The following CNTN3 variants were observed in gnomAD, a reference collection of about 807,000 sequenced individuals.
CNTN3 encodes contactin-3.
In CNTN3, 60 loss-of-function variants were observed where a neutral mutation model predicts 119.1. The observed-to-expected ratio is 0.50, with a 90% CI of 0.41 to 0.62. CNTN3 has a LOEUF of 0.62. Ranked by LOEUF, CNTN3 falls within the 20% of genes least tolerant of loss-of-function variation. The pLI, the probability that CNTN3 is intolerant of heterozygous loss-of-function variation, is 0.00. For synonymous variants in CNTN3, 450 were observed against 438.7 expected (o/e 1.03, Z -0.32); for missense variants, 1,101 against 1,242.4 (o/e 0.89, Z 1.71).
At chr3:74,367,675 A>G (rs1704232830) in intron 8 of CNTN3, among the ~76,000 whole-genome samples, 1 of 152,084 alleles carries the variant, frequency 6.6e-6, no homozygotes, top group Non-Finnish European at 1.5e-5. Context: ...AGGGCAGAAA[A>G]AGTAATCACA....
intron 11 of CNTN3, among the ~76,000 whole-genome samples, chr3:74,342,340 TC>T (rs1171466038): frequency 6.6e-6 from 1 of 152,188 alleles, no homozygotes; most frequent in Non-Finnish European, 1.5e-5. Flanking sequence ...GCGTTTTTAT[TC>T]TTCTACCTAT....
chr3:74,440,260 G>A (rs757342272), intron 4 of CNTN3, among the ~76,000 whole-genome samples: 29 of 152,060 alleles, frequency 1.9e-4, no homozygotes, highest in Non-Finnish European at 3.7e-4. Context: ...AGAAAACACT[G>A]CTTCGCACAT....
At chr3:74,529,090 G>GAT in intron 1 of CNTN3, among the ~76,000 whole-genome samples, 1 of 151,938 alleles carries the variant, frequency 6.6e-6, no homozygotes, top group Middle Eastern at 3.4e-3. Context: ...GTTCTTGAAT[G>GAT]ATATATGAGA....
Position 74,568,517 on chromosome 3 carries a change from G to A in CNTN3, c.-81+45874C>T, listed in dbSNP as rs530014571. 2.0e-5 allele frequency among the ~76,000 whole-genome samples: 3 copies of A among 152,238 alleles called. No individual in the cohort carries two copies. In the East Asian group the frequency reaches 5.8e-4, roughly 29 times the overall value. On this transcript the variant is annotated intron_variant, in intron 1 of 22. Transcript: ENST00000263665. The stretch of plus-strand genomic sequence containing the variant: ...TTGCTCTGCAGCTGTTCTGAAGCAG[G>A]TCCTGGGATGACAACCTAATGATGC...
rs75651820 is a variant in CNTN3 at position 74,604,019 on chromosome 3, T to C, written c.-81+10372A>G. On this transcript the variant is annotated intron_variant, in intron 1 of 22. Coordinates refer to ENST00000263665, the MANE Select transcript of CNTN3 (RefSeq NM_020872.3). The stretch of plus-strand genomic sequence containing the variant: ...GAGTCAAGAAATAAATCCATGCAGT[T>C]ACAGTCAACTGATTTTGACAAAATT... Among the ~76,000 whole-genome samples, 738 of 152,224 alleles carry C rather than the reference T, an allele frequency of 4.8e-3. 5 individuals are homozygous for C. The highest frequency in any genetic ancestry group is 0.016 in the African/African-American group (679 of 41,536).
At chr3:74,420,040 T>C (rs1226421898) in intron 5 of CNTN3, among the ~76,000 whole-genome samples, 1 of 152,196 alleles carries the variant, frequency 6.6e-6, no homozygotes, top group Non-Finnish European at 1.5e-5. Context: ...GATTTCCTAG[T>C]TTTCTGACAA....
At position 74,286,723 on chromosome 3, in the gene CNTN3, G is replaced by C. The variant is rs143747183; in HGVS notation, c.2518-1232C>G. Among the ~76,000 whole-genome samples, 899 of 152,298 alleles carry C rather than the reference G, an allele frequency of 5.9e-3. 9 individuals carry two copies. The highest frequency in any genetic ancestry group is 0.012 in the South Asian group (59 of 4,828). ...CTATTGCAAATTCACTCTGAGTTTA[G>C]AGTAGGAAAAATAAAAGGCAAATCC... On this transcript the variant is annotated intron_variant, in intron 19 of 22. Transcript: ENST00000263665.
intron 13 of CNTN3, among the ~76,000 whole-genome samples, chr3:74,326,563 G>A (rs1703135592): frequency 6.6e-6 from 1 of 151,946 alleles, no homozygotes; most frequent in Non-Finnish European, 1.5e-5. Flanking sequence ...TTGTAAGAAA[G>A]CTATGAATAT....
intron 1 of CNTN3, among the ~76,000 whole-genome samples, chr3:74,578,453 T>C (rs897620036): frequency 6.6e-6 from 1 of 152,044 alleles, no homozygotes; most frequent in African/African-American, 2.4e-5. Flanking sequence ...TAGAGTTAAA[T>C]GAGAGGACTT....
intron 2 of CNTN3, among the ~76,000 whole-genome samples, chr3:74,520,745 GA>G (rs930870920): frequency 8.0e-5 from 12 of 149,776 alleles, no homozygotes; most frequent in African/African-American, 2.7e-4. Flanking sequence ...AGTTCCTTTG[GA>G]AAAAAAATGT....
rs191995736 is a variant in CNTN3, at chr3:74,595,448, T to C, written c.-81+18943A>G. On this transcript the variant is annotated intron_variant, in intron 1 of 22. Transcript: ENST00000263665. ...TTAGGTCTAACATTTAAGTCTTTAA[T>C]CCATCTTGAATTAATTTTTGTAGAA... is the stretch of plus-strand genomic sequence containing the variant. Among the ~76,000 whole-genome samples, 482 of 152,264 alleles carry C rather than the reference T, an allele frequency of 3.2e-3. 2 individuals carry two copies. Among genetic ancestry groups the C allele is most frequent in the Admixed American group, 1.0e-2 (152 of 15,274 alleles).
chr3:74,285,220 T>G (rs904965385), intron 20 of CNTN3, 85 bp downstream of exon 20: 55 of 1,366,086 alleles, frequency 4.0e-5, no homozygotes, highest in Non-Finnish European at 5.2e-5. Context: ...ATGACTTGGG[T>G]TGTCCATTTC....
intron 5 of CNTN3, among the ~76,000 whole-genome samples, chr3:74,423,424 G>C (rs1701647748): frequency 6.6e-6 from 1 of 152,158 alleles, no homozygotes; most frequent in South Asian, 2.1e-4. Context: ...CTCAGGAGGG[G>C]TGTGACTGTG....
intron 3 of CNTN3, among the ~76,000 whole-genome samples, chr3:74,494,351 A>T (rs1703021133): frequency 6.6e-6 from 1 of 152,162 alleles, no homozygotes; most frequent in African/African-American, 2.4e-5. Context: ...ATCACCTTTA[A>T]TATCTAAAAT....
At chr3:74,372,911 C>A (rs889426961) in intron 5 of CNTN3, among the ~76,000 whole-genome samples, 3 of 152,120 alleles carry the variant, frequency 2.0e-5, no homozygotes, top group African/African-American at 4.8e-5. Flanking sequence ...AGAGAACATG[C>A]TAAGGACCTA....
At chr3:74,406,812 C>T (rs560045711) in intron 5 of CNTN3, among the ~76,000 whole-genome samples, 1 of 152,166 alleles carries the variant, frequency 6.6e-6, no homozygotes, top group Admixed American at 6.5e-5. Context: ...AATAACAGCA[C>T]ATTACCTCTC....
intron 11 of CNTN3, among the ~76,000 whole-genome samples, chr3:74,341,088 C>T (rs1289136798): frequency 6.6e-6 from 1 of 152,132 alleles, no homozygotes; most frequent in Admixed American, 6.5e-5. Flanking sequence ...TCAAAGCAAA[C>T]ATATTGACTC....
At chr3:74,595,307 A>G (rs1704786309) in intron 1 of CNTN3, among the ~76,000 whole-genome samples, 2 of 151,080 alleles carry the variant, frequency 1.3e-5, no homozygotes, top group Non-Finnish European at 3.0e-5. Context: ...ATTAGATCCC[A>G]TTTGTCAATT....
In CNTN3 at chr3:74,356,551, T is replaced by C. The variant is rs6777518; in HGVS notation, c.1364+5339A>G. Among the ~76,000 whole-genome samples the C allele has an allele frequency of 2.4e-3, 368 of 152,192 alleles. 7 individuals carry two copies. Among genetic ancestry groups the C allele is most frequent in the African/African-American group, 8.2e-3 (342 of 41,462 alleles). On this transcript the variant is annotated intron_variant, in intron 11 of 22. Coordinates refer to ENST00000263665, the MANE Select transcript of CNTN3 (RefSeq NM_020872.3). ...TGTCCTGTTACCTGTCTGTATACCC[T>C]GAAAAGCTACAAACAATGGCATCGA...
Sources: allele counts gnomAD v4.1 joint callset (sites outside exome capture counted in the v4.1 genomes callset), GRCh38; gene constraint gnomAD v4.1.1; transcripts MANE v1.5; gene names NCBI Gene and HGNC (gene_info 2026-07-23, HGNC 2026-07-21).